CLNK: variants seen among roughly 807,000 people sequenced by gnomAD.
CLNK encodes cytokine dependent hematopoietic cell linker.
In CLNK, 74 loss-of-function variants were observed where a neutral mutation model predicts 68.6. The observed-to-expected ratio is 1.08, with a 90% confidence interval of 0.89 to 1.31. The LOEUF is 1.31. CLNK is among the 50% of genes most tolerant of loss of function. CLNK has a pLI of 0.00. For synonymous variants in CLNK, 198 were observed against 172.2 expected (o/e 1.15, Z -1.17); for missense variants, 553 against 515.3 (o/e 1.07, Z -0.71).
At chr4:10,679,262 G>A (rs1229698485) in intron 1 of CLNK, among the ~76,000 whole-genome samples, 5 of 152,124 alleles carry the variant, frequency 3.3e-5, no homozygotes, top group Admixed American at 3.3e-4. Flanking sequence ...ACAAGAAATG[G>A]GGAAAGGATT....
At chr4:10,525,391 T>C (rs1372082177) in intron 14 of CLNK, among the ~76,000 whole-genome samples, 1 of 152,188 alleles carries the variant, frequency 6.6e-6, no homozygotes, top group East Asian at 1.9e-4. Flanking sequence ...AACTCTTCAG[T>C]TGGATTGACA....
intron 11 of CLNK, among the ~76,000 whole-genome samples, chr4:10,537,637 C>CCCTTTCTTCCTTTCTTTCTT (rs1553848137): frequency 2.6e-5 from 2 of 76,198 alleles, no homozygotes; most frequent in Admixed American, 1.6e-4. Context: ...TTCTTTCTTT[C>CCCTTTCTTCCTTTCTTTCTT]TCTTTCTTTC....
At position 10,602,922 on chromosome 4, in the gene CLNK, T is replaced by G. The variant is rs138959655; in HGVS notation, c.12-4873A>C. Among the ~76,000 whole-genome samples the G allele has an allele frequency of 1.8e-3, 270 of 152,354 alleles. 1 individual carries two copies. Among genetic ancestry groups the G allele is most frequent in the African/African-American group, 6.4e-3 (265 of 41,588 alleles). On this transcript the variant is annotated intron_variant, in intron 2 of 18. Transcript: ENST00000226951. The stretch of plus-strand genomic sequence containing the variant: ...CCAGTGAGGGGTTGAATTTGCCAGA[T>G]GGATGACATGGCAAGTTGACGGTGG...
chr4:10,687,678 G>A (rs1725315849), upstream of CLNK, among the ~76,000 whole-genome samples: 2 of 152,118 alleles, frequency 1.3e-5, no homozygotes, highest in South Asian at 4.2e-4. Flanking sequence ...CATGGAGAGG[G>A]AGCAAGGAAG....
chr4:10,733,519 A>G, the CLNK span, among the ~76,000 whole-genome samples: 1 of 152,198 alleles, frequency 6.6e-6, no homozygotes, highest in Non-Finnish European at 1.5e-5. Context: ...TTTCCAAGTT[A>G]GGTATTGAGA....
intron 18 of CLNK, among the ~76,000 whole-genome samples, chr4:10,495,448 C>T (rs544851773): frequency 7.2e-5 from 11 of 152,160 alleles, no homozygotes; most frequent in Admixed American, 3.3e-4. Flanking sequence ...ATGGCAGGGA[C>T]TTGACATGAC....
chr4:10,526,761 T>C (rs990766847), intron 13 of CLNK, among the ~76,000 whole-genome samples: 3 of 152,222 alleles, frequency 2.0e-5, no homozygotes, highest in African/African-American at 4.8e-5. Context: ...CTGCCAACCA[T>C]ACAATCTGGA....
At chr4:10,632,862 A>G (rs907677266) in intron 2 of CLNK, among the ~76,000 whole-genome samples, 17 of 152,236 alleles carry the variant, frequency 1.1e-4, no homozygotes, top group Non-Finnish European at 2.4e-4. Context: ...AAATACCTCA[A>G]AATTGGCCCA....
chr4:10,575,674 G>T (rs552588527), intron 4 of CLNK, among the ~76,000 whole-genome samples: 3 of 152,242 alleles, frequency 2.0e-5, no homozygotes, highest in African/African-American at 4.8e-5. Flanking sequence ...ACTCTAGGTT[G>T]CCCTACTTGA....
chr4:10,509,069 T>C (rs1168180918), intron 16 of CLNK, among the ~76,000 whole-genome samples: 1 of 131,842 alleles, frequency 7.6e-6, no homozygotes, highest in South Asian at 2.4e-4. Context: ...ATCGTGCCAC[T>C]GCACTCCAGC....
chr4:10,603,636 G>A (rs754935355), intron 2 of CLNK, among the ~76,000 whole-genome samples: 1 of 152,244 alleles, frequency 6.6e-6, no homozygotes. Flanking sequence ...AGGGGGAAAA[G>A]TGGGCTGTGA....
intron 4 of CLNK, among the ~76,000 whole-genome samples, chr4:10,574,226 A>C (rs1720464429): frequency 6.6e-6 from 1 of 152,200 alleles, no homozygotes; most frequent in African/African-American, 2.4e-5. Context: ...CCCAGAGCTC[A>C]GCACAACCTG....
At chr4:10,622,529 A>T (rs944440862) in intron 2 of CLNK, among the ~76,000 whole-genome samples, 11 of 152,192 alleles carry the variant, frequency 7.2e-5, no homozygotes, top group African/African-American at 2.7e-4. Flanking sequence ...CCTTGGTTGA[A>T]ACAGTATAGG....
intron 2 of CLNK, among the ~76,000 whole-genome samples, chr4:10,615,971 T>G (rs1021372878): frequency 2.0e-5 from 3 of 152,256 alleles, no homozygotes; most frequent in Admixed American, 2.0e-4. Flanking sequence ...CAGAGCTGCT[T>G]TCTGTATTAA....
chr4:10,580,232 A>C (rs2869470), intron 4 of CLNK, among the ~76,000 whole-genome samples: 1 of 152,040 alleles, frequency 6.6e-6, no homozygotes, highest in Non-Finnish European at 1.5e-5. Context: ...TGTGCTTCTG[A>C]CGGTGACATT....
chr4:10,675,381 C>T (rs928318737), intron 1 of CLNK, among the ~76,000 whole-genome samples: 10 of 152,214 alleles, frequency 6.6e-5, no homozygotes, highest in African/African-American at 2.2e-4. Context: ...TGGATTTTCA[C>T]GTGTCTTAAT....
At chr4:10,632,111 T>G (rs1722916103) in intron 2 of CLNK, among the ~76,000 whole-genome samples, 1 of 152,190 alleles carries the variant, frequency 6.6e-6, no homozygotes. Flanking sequence ...AAAACGTAAC[T>G]CTTAACATTC....
rs192436378 is a variant in CLNK, at chr4:10,527,452, C to A, written c.649+624G>T. Among the ~76,000 whole-genome samples the A allele has an allele frequency of 2.2e-3, 330 of 152,326 alleles. 5 individuals carry two copies. Among genetic ancestry groups the A allele is most frequent in the Non-Finnish European group, 1.5e-3 (104 of 68,030 alleles). On this transcript the variant is annotated intron_variant, in intron 13 of 18. Transcript: ENST00000226951. ...TGGTGGCAGGCCTCTGAAATCCTAACCTAATGTTGCTCTGTTGAACGATGC... is the reference window on the plus strand; with the variant it reads ...TGGTGGCAGGCCTCTGAAATCCTAAACTAATGTTGCTCTGTTGAACGATGC...
intron 2 of CLNK, among the ~76,000 whole-genome samples, chr4:10,607,784 GC>G (rs1412011122): frequency 2.6e-5 from 4 of 152,192 alleles, no homozygotes; most frequent in African/African-American, 9.7e-5. Flanking sequence ...AGGACTGAGG[GC>G]TTGGCTGTGT....
Sources: allele counts gnomAD v4.1 joint callset (sites outside exome capture counted in the v4.1 genomes callset), GRCh38; gene constraint gnomAD v4.1.1; transcripts MANE v1.5; gene names NCBI Gene and HGNC (gene_info 2026-07-23, HGNC 2026-07-21).